AP3M1: variants seen among roughly 807,000 people sequenced by gnomAD.
AP3M1 encodes the protein adaptor related protein complex 3 subunit mu 1.
In AP3M1, 29 loss-of-function variants were observed where a neutral mutation model predicts 42.6. The ratio of observed to expected loss-of-function variants is 0.68; its 90% CI spans 0.51 to 0.93. AP3M1 has a LOEUF of 0.93. Ranked by LOEUF, AP3M1 falls within the 40% of genes least tolerant of loss-of-function variation. The pLI is 0.00. For missense variants in AP3M1, 416 were observed against 510.2 expected, an observed-to-expected ratio of 0.82 and a Z score of 1.78; for synonymous variants, 178 against 175.3, an observed-to-expected ratio of 1.02 and a Z score of -0.12.
At chr10:74,128,962 T>C in intron 6 of AP3M1, 146 bp downstream of exon 6, 1 of 884,156 alleles carries the variant, frequency 1.1e-6, no homozygotes, top group Non-Finnish European at 1.7e-6. Flanking sequence ...GTGCGTATTT[T>C]CACCCGTTCT....
intron 4 of AP3M1, among the ~76,000 whole-genome samples, chr10:74,133,314 A>G (rs574111628): frequency 5.9e-5 from 9 of 152,064 alleles, no homozygotes; most frequent in African/African-American, 2.2e-4. Flanking sequence ...GAACTGCTTG[A>G]ACCCGGGAGG....
At chr10:74,136,166 C>A (rs1324331072) in intron 3 of AP3M1, among the ~76,000 whole-genome samples, 1 of 152,138 alleles carries the variant, frequency 6.6e-6, no homozygotes, top group Non-Finnish European at 1.5e-5. Flanking sequence ...TGCATAAAAA[C>A]AAAGACTTGG....
chr10:74,145,663 GA>G (rs1286338719), intron 1 of AP3M1, among the ~76,000 whole-genome samples: 1 of 152,012 alleles, frequency 6.6e-6, no homozygotes, highest in Admixed American at 6.5e-5. Flanking sequence ...AGTGGCTTTT[GA>G]GTCATAAAAC....
At chr10:74,129,743 C>T (rs574680837) in intron 5 of AP3M1, among the ~76,000 whole-genome samples, 164 bp downstream of exon 5, 2 of 152,204 alleles carry the variant, frequency 1.3e-5, no homozygotes, top group Non-Finnish European at 2.9e-5. Flanking sequence ...ACAAAGACCA[C>T]GCTCATCATG....
At chr10:74,145,353 ATTG>A (rs1290938054) in intron 1 of AP3M1, among the ~76,000 whole-genome samples, 2 of 152,182 alleles carry the variant, frequency 1.3e-5, no homozygotes, top group Non-Finnish European at 2.9e-5. Flanking sequence ...TCCTAGATTT[ATTG>A]TTGTTATCCT....
At chr10:74,140,252 G>T (rs1440283266) in intron 1 of AP3M1, among the ~76,000 whole-genome samples, 2 of 152,184 alleles carry the variant, frequency 1.3e-5, no homozygotes, top group Non-Finnish European at 2.9e-5. Flanking sequence ...GGCTGCAGGC[G>T]GCCGTGCGCC....
At chr10:74,148,915 C>G (rs1295681614) in intron 1 of AP3M1, among the ~76,000 whole-genome samples, 1 of 151,616 alleles carries the variant, frequency 6.6e-6, no homozygotes, top group Non-Finnish European at 1.5e-5. Flanking sequence ...ACTCTATTGC[C>G]AGGCTGGAGT....
rs1209937025 is a variant in AP3M1, at chr10:74,148,847, G to A, written c.-4+1908C>T. ...GCTAGGATTACAGGCGTGAGCCACC[G>A]CACTCCATCTGCCCATAGTATATTG... On this transcript the variant is annotated intron_variant, in intron 1 of 8. Transcript: ENST00000355264. 3.3e-5 allele frequency among the ~76,000 whole-genome samples: 5 copies of A among 150,836 alleles called. 1 individual carries two copies. The highest frequency in any genetic ancestry group is 2.1e-4 in the South Asian group (1 of 4,762).
At position 74,129,199 on chromosome 10, in the gene AP3M1, G is replaced by A. The variant is rs374572738; in HGVS notation, c.712C>T (p.Arg238Trp). 3 of 1,614,054 alleles carry A rather than the reference G, an allele frequency of 1.9e-6. No homozygotes were observed. Among genetic ancestry groups the A allele is most frequent in the Non-Finnish European group, 2.5e-6 (3 of 1,179,984 alleles). ...LDDVSFHPCIRFKRWESERVL... is the reference protein window; with the variant it reads ...LDDVSFHPCIWFKRWESERVL... ...CTTTCAGATTCCCAACGCTTGAACC[G>A]GATGCAGGGGTGAAAGCTGACATCA... is the stretch of plus-strand genomic sequence containing the variant. Residue 238 changes from arginine to tryptophan, a missense_variant, in exon 6 of 9, where the codon CGG (arginine) becomes TGG (tryptophan). Physicochemically the swap from Arg to Trp is moderately radical, Grantham distance 101. Transcript: ENST00000355264.
Position 74,121,413 on chromosome 10 carries a change from T to C in AP3M1, c.*2397A>G, listed in dbSNP as rs1178685662. ...CATTTGCTCTTGATATACTCCCTTATGAATTTAGAACAAGTGATCCAGGAT... is the reference window on the plus strand; with the variant it reads ...CATTTGCTCTTGATATACTCCCTTACGAATTTAGAACAAGTGATCCAGGAT... On this transcript the variant is annotated 3_prime_UTR_variant, in exon 9 of 9. Transcript: ENST00000355264. The C allele has an allele frequency of 6.6e-6, 1 of 152,214 alleles. No homozygotes were observed. Among genetic ancestry groups the C allele is most frequent in the Non-Finnish European group, 1.5e-5 (1 of 68,032 alleles). The allele number at this position is 152,214 out of a possible 1,614,324, so 9.4% of individuals were successfully genotyped here. A position where few individuals can be genotyped will look rare whatever the true frequency, so the allele number is the denominator to read the frequency against.
At chr10:74,143,510 C>A (rs1312366916) in intron 1 of AP3M1, among the ~76,000 whole-genome samples, 2 of 152,118 alleles carry the variant, frequency 1.3e-5, no homozygotes, top group Non-Finnish European at 2.9e-5. Context: ...TGTACTCAGT[C>A]CCCATTCAAA....
chr10:74,142,913 G>T (rs1486626870), intron 1 of AP3M1, among the ~76,000 whole-genome samples: 3 of 152,182 alleles, frequency 2.0e-5, no homozygotes, highest in Non-Finnish European at 4.4e-5. Flanking sequence ...TTTCTTGGAA[G>T]AAAATCAGCA....
At chr10:74,125,769 TG>T (rs980393830) in intron 7 of AP3M1, among the ~76,000 whole-genome samples, 3 of 152,232 alleles carry the variant, frequency 2.0e-5, no homozygotes, top group African/African-American at 7.2e-5. Context: ...AAGGTCTTAG[TG>T]ATCAATTTAT....
At chr10:74,129,354 T>TGATACAGC in intron 5 of AP3M1, 113 bp from the exon 6 acceptor site, 1 of 994,486 alleles carries the variant, frequency 1.0e-6, no homozygotes, top group Non-Finnish European at 1.5e-6. Context: ...GAAGAGTTTA[T>TGATACAGC]GACCACATCT....
At chr10:74,130,736 C>T (rs576296202) in intron 4 of AP3M1, among the ~76,000 whole-genome samples, 112 of 152,270 alleles carry the variant, frequency 7.4e-4, no homozygotes, top group Middle Eastern at 3.4e-3. Context: ...AGCTACCATA[C>T]CCAGCCAGAA....
intron 6 of AP3M1, among the ~76,000 whole-genome samples, chr10:74,127,589 G>A (rs867626960): frequency 2.0e-5 from 3 of 151,908 alleles, no homozygotes; most frequent in Middle Eastern, 3.4e-3. Flanking sequence ...AACCCAGGAG[G>A]TAGAGGTTGC....
At position 74,134,077 on chromosome 10, in the gene AP3M1, T is replaced by A. The variant is rs1043532636; in HGVS notation, c.533A>T (p.Glu178Val). 2 of 1,614,198 alleles carry A rather than the reference T, an allele frequency of 1.2e-6. No homozygotes were observed. Among genetic ancestry groups the A allele is most frequent in the Non-Finnish European group, 1.7e-6 (2 of 1,180,030 alleles). The change falls in exon 4 of 9, where the codon GAA (glutamate) becomes GTA (valine). Residue 178 changes from glutamate (E) to valine (V), a missense_variant. Glu to Val is a moderately radical substitution (Grantham distance 121, BLOSUM62 -2). Coordinates refer to ENST00000355264, the MANE Select transcript of AP3M1 (RefSeq NM_012095.6). ...TTCTTCAACAACATCAAAATAGGCT[T>A]CATTGTTTGTGTACTTTACCCCTGC... is the stretch of plus-strand genomic sequence containing the variant. ...RRAGVKYTNN[E>V]AYFDVVEEID...
intron 3 of AP3M1, 109 bp downstream of exon 3, chr10:74,136,523 A>T: frequency 1.2e-6 from 1 of 869,044 alleles, no homozygotes; most frequent in East Asian, 3.1e-5. Context: ...AGTAACTTTA[A>T]TTATGGCCAA....
chr10:74,129,538 CAG>C (rs1331629678), intron 5 of AP3M1, among the ~76,000 whole-genome samples: 1 of 152,098 alleles, frequency 6.6e-6, no homozygotes, highest in Non-Finnish European at 1.5e-5. Flanking sequence ...GTGACAACAC[CAG>C]AAGTCAGTTC....
Sources: allele counts gnomAD v4.1 joint callset (sites outside exome capture counted in the v4.1 genomes callset), GRCh38; gene constraint gnomAD v4.1.1; transcripts MANE v1.5; gene names NCBI Gene and HGNC (gene_info 2026-07-23, HGNC 2026-07-21).